LIPE: variants seen among roughly 807,000 people sequenced by gnomAD.
LIPE encodes hormone-sensitive lipase.
LIPE carries 66 observed loss-of-function variants against 88.5 expected under a neutral mutation model. The ratio of observed to expected loss-of-function variants is 0.75; its 90% confidence interval spans 0.61 to 0.91. LIPE has a LOEUF of 0.91. LIPE is among the 40% of genes least tolerant of loss of function. The probability of loss-of-function intolerance (pLI) is 0.00; values close to 1 mark genes in which losing one functional copy is unlikely to be tolerated. For missense variants in LIPE, 1,346 were observed against 1,434.7 expected (o/e 0.94, Z 1.00); for synonymous variants, 570 against 617.5 (o/e 0.92, Z 1.14).
chr19:42,422,535 A>G (rs1039128234), intron 1 of LIPE, among the ~76,000 whole-genome samples: 1 of 152,128 alleles, frequency 6.6e-6, no homozygotes, highest in African/African-American at 2.4e-5. Context: ...GATGTGTTCT[A>G]CGGCAGGGGA....
rs2040274848 is a variant in LIPE at position 42,408,720 on chromosome 19, A to C, written c.1420-398T>G. 6.6e-6 allele frequency among the ~76,000 whole-genome samples: 1 copy of C among 151,518 alleles called. No individual in the cohort carries two copies. Among genetic ancestry groups the C allele is most frequent in the African/African-American group, 2.4e-5 (1 of 41,220 alleles). The stretch of plus-strand genomic sequence containing the variant: ...GAAGGCTTAAAGGTGAGCTCATAGG[A>C]GGCTGAGGCAGGAGAATCGCTTGAA... On this transcript the variant is annotated intron_variant, in intron 2 of 9. Coordinates refer to ENST00000244289, the MANE Select transcript of LIPE (RefSeq NM_005357.4). The surrounding 1 kb of genome is among the most constrained non-coding windows in gnomAD (Gnocchi z 4.3).
chr19:42,423,983 G>T, intron 1 of LIPE: 1 of 1,168,862 alleles, frequency 8.6e-7, no homozygotes, highest in Non-Finnish European at 1.1e-6. Flanking sequence ...GGGGAAAGTG[G>T]GGCGCCTCTG....
In LIPE at chr19:42,402,012, C is replaced by G; in HGVS notation, c.3031G>C (p.Gly1011Arg). Reference protein sequence around the residue: ...VMLARRLRNLGQPVTLRVVED... With the variant: ...VMLARRLRNLRQPVTLRVVED... Reference sequence around the variant, plus strand: ...ACCACGCGCAGCGTCACCGGCTGGCCCAGGTTGCGCAGTCGCCGCGCGAGC... The same window carrying G: ...ACCACGCGCAGCGTCACCGGCTGGCGCAGGTTGCGCAGTCGCCGCGCGAGC... Residue 1011 changes from glycine to arginine, a missense_variant, in exon 10 of 10, where the codon GGC becomes CGC. Gly to Arg is a moderately radical substitution (Grantham distance 125). Transcript: ENST00000244289. The G allele has an allele frequency of 6.5e-7, 1 of 1,544,402 alleles. No individual in the cohort carries two copies. Among genetic ancestry groups the G allele is most frequent in the Non-Finnish European group, 8.7e-7 (1 of 1,146,024 alleles).
At chr19:42,420,873 A>G (rs965575484) in intron 1 of LIPE, among the ~76,000 whole-genome samples, 1 of 151,886 alleles carries the variant, frequency 6.6e-6, no homozygotes, top group Non-Finnish European at 1.5e-5. Context: ...AATCCTGCAC[A>G]TGGCCTCCCA....
In LIPE at chr19:42,426,874, C is replaced by T. The variant is rs760175753; in HGVS notation, c.276G>A (p.Lys92=). 1 of 1,614,126 alleles carries T rather than the reference C, an allele frequency of 6.2e-7. No individual in the cohort carries two copies. The highest frequency in any genetic ancestry group is 8.5e-7 in the Non-Finnish European group (1 of 1,180,034). ...ASQEEFLAPQ[K]PAPQQSPYIQ... ...TGTAAGGTGATTGCTGTGGTGCGGGCTTCTGTGGGGCAAGAAATTCCTCTT... is the reference window on the plus strand; with the variant it reads ...TGTAAGGTGATTGCTGTGGTGCGGGTTTCTGTGGGGCAAGAAATTCCTCTT... The change falls in exon 1 of 10, where the codon AAG becomes AAA. Residue 92 remains lysine, a synonymous_variant. Transcript: ENST00000244289.
chr19:42,410,410 C>A lies in LIPE; in HGVS notation c.1316G>T (p.Gly439Val), dbSNP rs1398408203. 1 of 1,614,090 alleles carries A rather than the reference C, an allele frequency of 6.2e-7. No homozygotes were observed. The highest frequency in any genetic ancestry group is 1.3e-5 in the African/African-American group (1 of 74,944). Reference protein sequence around the residue: ...AQRLLVTNRPGVLFFEGDEGL... With the variant: ...AQRLLVTNRPVVLFFEGDEGL... The stretch of plus-strand genomic sequence containing the variant: ...CTCGTCGCCCTCAAAGAAGAGTACC[C>A]CCGGCCGATTGGTAACCAGCAGGCG... Residue 439 changes from glycine to valine, a missense_variant, in exon 2 of 10, where the codon GGG (glycine) becomes GTG (valine). Transcript: ENST00000244289. The surrounding 1 kb of genome is among the most constrained non-coding windows in gnomAD (Gnocchi z 6.1).
At position 42,427,074 on chromosome 19, in the gene LIPE, C is replaced by G. The variant is rs768372490; in HGVS notation, c.76G>C (p.Glu26Gln). The change falls in exon 1 of 10, where the codon GAG becomes CAG. Residue 26 changes from glutamate (E) to glutamine (Q), a missense_variant. Physicochemically the swap from Glu to Gln is conservative, Grantham distance 29 (BLOSUM62 2). Transcript: ENST00000244289. ...ATGGGTGTCTTTTCTGGCCCAGGCT[C>G]TAGCGGGGTTATAGGCCTCTGGTGT... ...EPHQRPITPL[E>Q]PGPEKTPIAQ... The G allele has an allele frequency of 1.5e-5, 24 of 1,614,036 alleles. No homozygotes were observed. The highest frequency in any genetic ancestry group is 8.3e-5 in the Admixed American group (5 of 59,984).
chr19:42,401,690 T>G lies in LIPE; in HGVS notation c.*122A>C. ...CCTCCCCGTGGCGAGGGTCTCAGCT[T>G]TCGGGCCCCCGCCCCGCCCCCTTGC... On this transcript the variant is annotated 3_prime_UTR_variant, in exon 10 of 10. Coordinates refer to ENST00000244289, the MANE Select transcript of LIPE (RefSeq NM_005357.4). 5 of 471,910 alleles carry G rather than the reference T, an allele frequency of 1.1e-5. No individual in the cohort carries two copies. Among genetic ancestry groups the G allele is most frequent in the East Asian group, 1.2e-4 (2 of 16,766 alleles). 29.2% of individuals were successfully genotyped at this position (471,910 alleles called of 1,614,324 possible).
intron 9 of LIPE, 75 bp from the exon 10 acceptor site, chr19:42,402,150 G>C: frequency 7.4e-7 from 1 of 1,353,660 alleles, no homozygotes; most frequent in East Asian, 2.9e-5. Flanking sequence ...GCGAGGAGGG[G>C]TTTGATGAAC....
rs377288315 is a variant in LIPE, at chr19:42,407,691, G to T, written c.1757C>A (p.Thr586Lys). 60 of 1,599,484 alleles carry T rather than the reference G, an allele frequency of 3.8e-5. No individual in the cohort carries two copies. Among genetic ancestry groups the T allele is most frequent in the East Asian group, 3.1e-4 (14 of 44,798 alleles). The change falls in exon 5 of 10, where the codon ACG (threonine) becomes AAG (lysine). Residue 586 changes from threonine (T) to lysine (K), a missense_variant. By Grantham distance (78) the Thr-to-Lys change is moderately conservative (BLOSUM62 -1). Coordinates refer to ENST00000244289, the MANE Select transcript of LIPE (RefSeq NM_005357.4). This position sits in a 1 kb window ranked among gnomAD's most constrained non-coding sequence, Gnocchi z 5.8. ...GGCCAGTGGGGGTGAGATGGTGACC[G>T]TGAGCGTGGGGTCGGCAGTCAGTGG... Reference protein sequence around the residue: ...EMPLTADPTLTVTISPPLAHT... With the variant: ...EMPLTADPTLKVTISPPLAHT...
intron 1 of LIPE, chr19:42,424,978 A>G (rs2040681634): frequency 3.5e-6 from 1 of 287,630 alleles, no homozygotes; most frequent in Non-Finnish European, 6.8e-6. Context: ...TCCTGCCGTC[A>G]GTCCCTGACC....
chr19:42,401,762 C>G lies in LIPE; in HGVS notation c.*50G>C, dbSNP rs2039976556. 7.4e-7 allele frequency: 1 copy of G among 1,346,298 alleles called. No individual in the cohort carries two copies. Among genetic ancestry groups the G allele is most frequent in the Admixed American group, 3.3e-5 (1 of 30,136 alleles). 83.4% of individuals were successfully genotyped at this position (1,346,298 alleles called of 1,614,324 possible). On this transcript the variant is annotated 3_prime_UTR_variant, in exon 10 of 10. Coordinates refer to ENST00000244289, the MANE Select transcript of LIPE (RefSeq NM_005357.4). Reference sequence around the variant, plus strand: ...ACAGCCCGCGTCCCCTTCCGCCCGGCCCGGAAGGCATTCATGACGGAGGCC... The same window carrying G: ...ACAGCCCGCGTCCCCTTCCGCCCGGGCCGGAAGGCATTCATGACGGAGGCC...
At chr19:42,409,752 C>T (rs1272678925) in intron 2 of LIPE, among the ~76,000 whole-genome samples, 1 of 152,200 alleles carries the variant, frequency 6.6e-6, no homozygotes, top group Non-Finnish European at 1.5e-5. Context: ...ACGGCTGGGA[C>T]ACAGGGAGGA....
In LIPE at chr19:42,401,546, C is replaced by T; in HGVS notation, c.*266G>A. The T allele has an allele frequency of 2.1e-6, 1 of 469,192 alleles. No individual in the cohort carries two copies. Among genetic ancestry groups the T allele is most frequent in the South Asian group, 3.6e-5 (1 of 27,714 alleles). 29.1% of individuals were successfully genotyped at this position (469,192 alleles called of 1,614,324 possible). ...ATACTTTTATTTACAACAAACCAAA[C>T]CGACCTGCAAGGGAGGGCCAGTCCC... is the stretch of plus-strand genomic sequence containing the variant. On this transcript the variant is annotated 3_prime_UTR_variant, in exon 10 of 10. Coordinates refer to ENST00000244289, the MANE Select transcript of LIPE (RefSeq NM_005357.4).
chr19:42,402,532 G>C, intron 9 of LIPE, 75 bp downstream of exon 9: 2 of 1,330,380 alleles, frequency 1.5e-6, no homozygotes, highest in Non-Finnish European at 2.0e-6. Context: ...AGGTGTACCC[G>C]TGCCCGGTCC....
chr19:42,426,854 G>C lies in LIPE; in HGVS notation c.296C>G (p.Pro99Arg). ...AGTGAGCAGCACCCTTTGGATGTAA[G>C]GTGATTGCTGTGGTGCGGGCTTCTG... ...APQKPAPQQS[P>R]YIQRVLLTQQ... The change falls in exon 1 of 10, where the codon CCT (proline) becomes CGT (arginine). Residue 99 changes from proline (P) to arginine (R), a missense_variant. Physicochemically the swap from Pro to Arg is moderately radical, Grantham distance 103. Transcript: ENST00000244289. 6.2e-7 allele frequency: 1 copy of C among 1,614,186 alleles called. No individual in the cohort carries two copies. Among genetic ancestry groups the C allele is most frequent in the Non-Finnish European group, 8.5e-7 (1 of 1,180,030 alleles).
At chr19:42,423,378 C>T in intron 1 of LIPE, 3 of 1,276,658 alleles carry the variant, frequency 2.3e-6, no homozygotes, top group Non-Finnish European at 3.1e-6. Flanking sequence ...GTAGGATGTA[C>T]GAGGTTCCTT....
intron 7 of LIPE, 185 bp downstream of exon 7, chr19:42,405,976 T>TCACACACACACACACACA: frequency 4.8e-6 from 2 of 417,226 alleles, no homozygotes; most frequent in Non-Finnish European, 8.6e-6. Context: ...TCTCTCTCTC[T>TCACACACACACACACACA]CACACACACA....
Position 42,410,862 on chromosome 19 carries a change from C to T in LIPE, c.884-20G>A, listed in dbSNP as rs1278040409. 5 of 1,530,008 alleles carry T rather than the reference C, an allele frequency of 3.3e-6. No homozygotes were observed. In the East Asian group the frequency reaches 1.1e-4, roughly 35 times the overall value. 94.8% of individuals were successfully genotyped at this position (1,530,008 alleles called of 1,614,324 possible). A position where few individuals can be genotyped will look rare whatever the true frequency, so the allele number is the denominator to read the frequency against. ...TTGAGGCTGTGGGCAGGTGGGGAGGCCTGTTAGGTGGGGCTGGATCAAGCC... is the reference window on the plus strand; with the variant it reads ...TTGAGGCTGTGGGCAGGTGGGGAGGTCTGTTAGGTGGGGCTGGATCAAGCC... On this transcript the variant is annotated intron_variant, in intron 1 of 9. Transcript: ENST00000244289. The surrounding 1 kb of genome is among the most constrained non-coding windows in gnomAD (Gnocchi z 6.1).
Sources: allele counts gnomAD v4.1 joint callset (sites outside exome capture counted in the v4.1 genomes callset), GRCh38; gene constraint gnomAD v4.1.1; non-coding constraint Gnocchi (gnomAD v3.1); transcripts MANE v1.5; gene names NCBI Gene and HGNC (gene_info 2026-07-23, HGNC 2026-07-21).